MACROD2: variants seen among roughly 807,000 people sequenced by gnomAD.
MACROD2 encodes ADP-ribose glycohydrolase MACROD2.
In MACROD2, 36 loss-of-function variants were observed where a neutral mutation model predicts 70.4. That is an observed-to-expected ratio of 0.51 (90% confidence interval 0.39 to 0.68). MACROD2 has a LOEUF of 0.68. Ranked by LOEUF, MACROD2 falls within the 30% of genes least tolerant of loss-of-function variation. The pLI is 0.00. For synonymous variants in MACROD2, 172 were observed against 178.8 expected, an observed-to-expected ratio of 0.96 and a Z score of 0.30; for missense variants, 496 against 538.4, an observed-to-expected ratio of 0.92 and a Z score of 0.78.
intron 5 of MACROD2, among the ~76,000 whole-genome samples, chr20:15,162,070 C>G (rs1273634565): frequency 6.6e-6 from 1 of 152,020 alleles, no homozygotes; most frequent in Non-Finnish European, 1.5e-5. Flanking sequence ...GATTACTATT[C>G]TAACAGTAGA....
intron 15 of MACROD2, among the ~76,000 whole-genome samples, chr20:16,030,990 T>G (rs982042427): frequency 6.6e-6 from 1 of 152,178 alleles, no homozygotes; most frequent in Non-Finnish European, 1.5e-5. Flanking sequence ...TTTATGGTTA[T>G]ACTGGCACAT....
intron 5 of MACROD2, among the ~76,000 whole-genome samples, chr20:14,924,057 T>C (rs2074198129): frequency 6.6e-6 from 1 of 152,202 alleles, no homozygotes; most frequent in Non-Finnish European, 1.5e-5. Context: ...AAAAGTGTTT[T>C]AAATTAGACC....
intron 15 of MACROD2, among the ~76,000 whole-genome samples, chr20:16,009,758 A>C (rs996660771): frequency 4.8e-5 from 7 of 146,774 alleles, no homozygotes; most frequent in African/African-American, 1.8e-4. Flanking sequence ...ACTCTGTCTC[A>C]AAAAAAAAAA....
chr20:15,739,475 A>G (rs1303213282), intron 8 of MACROD2, among the ~76,000 whole-genome samples: 7 of 152,172 alleles, frequency 4.6e-5, no homozygotes, highest in Admixed American at 2.6e-4. Flanking sequence ...ATGAAGATGC[A>G]AAAAATGAGC....
At chr20:14,690,022 A>G (rs1383636843) in intron 5 of MACROD2, among the ~76,000 whole-genome samples, 3 of 152,110 alleles carry the variant, frequency 2.0e-5, no homozygotes, top group Non-Finnish European at 4.4e-5. Context: ...TTTAACATAT[A>G]TATACTACAA....
chr20:14,259,488 A>C (rs2122305347), intron 3 of MACROD2, among the ~76,000 whole-genome samples: 1 of 152,288 alleles, frequency 6.6e-6, no homozygotes, highest in East Asian at 1.9e-4. Flanking sequence ...ATTCTGTGAA[A>C]GTATGCTATT....
At chr20:14,619,869 G>A (rs1207151210) in intron 4 of MACROD2, among the ~76,000 whole-genome samples, 1 of 152,132 alleles carries the variant, frequency 6.6e-6, no homozygotes, top group African/African-American at 2.4e-5. Context: ...TGGGAGCTCT[G>A]TGCTGCTTCA....
At chr20:15,635,295 AG>A in intron 8 of MACROD2, among the ~76,000 whole-genome samples, 1 of 152,234 alleles carries the variant, frequency 6.6e-6, no homozygotes, top group East Asian at 1.9e-4. Flanking sequence ...AACTTGTACA[AG>A]TTCATAAAGC....
chr20:15,328,493 A>G (rs754045933), intron 6 of MACROD2, among the ~76,000 whole-genome samples: 4 of 152,156 alleles, frequency 2.6e-5, no homozygotes, highest in Non-Finnish European at 5.9e-5. Context: ...TTTTGACATC[A>G]TTGCTACTTG....
intron 5 of MACROD2, among the ~76,000 whole-genome samples, chr20:14,696,945 A>G (rs2071133047): frequency 6.6e-6 from 1 of 152,196 alleles, no homozygotes; most frequent in Admixed American, 6.5e-5. Context: ...TTAAATACAT[A>G]TACATGTCAT....
intron 5 of MACROD2, among the ~76,000 whole-genome samples, chr20:14,910,245 A>C (rs578241071): frequency 4.6e-5 from 7 of 152,322 alleles, no homozygotes; most frequent in Middle Eastern, 3.4e-3. Flanking sequence ...AATGTTGGCT[A>C]TGCACTTCGC....
At chr20:14,453,591 G>GA (rs1239763920) in intron 3 of MACROD2, among the ~76,000 whole-genome samples, 1 of 152,016 alleles carries the variant, frequency 6.6e-6, no homozygotes, top group Non-Finnish European at 1.5e-5. Flanking sequence ...TTGATGTGTC[G>GA]AATGTTGGAC....
At chr20:15,564,516 T>A (rs1209259377) in intron 8 of MACROD2, among the ~76,000 whole-genome samples, 1 of 152,192 alleles carries the variant, frequency 6.6e-6, no homozygotes. Flanking sequence ...TATAGCACAT[T>A]TCGCAGCTGG....
At chr20:14,814,208 GTCTC>G (rs1052963487) in intron 5 of MACROD2, among the ~76,000 whole-genome samples, 1 of 151,998 alleles carries the variant, frequency 6.6e-6, no homozygotes, top group African/African-American at 2.4e-5. Context: ...GCTGTTTCGT[GTCTC>G]TCTTTTTCAC....
intron 5 of MACROD2, among the ~76,000 whole-genome samples, chr20:15,205,662 G>T (rs767697389): frequency 2.0e-5 from 3 of 152,130 alleles, no homozygotes; most frequent in Non-Finnish European, 4.4e-5. Context: ...TTACTTCAAA[G>T]AAAGAAGAGA....
intron 12 of MACROD2, among the ~76,000 whole-genome samples, chr20:15,945,382 T>C (rs2065807847): frequency 6.6e-6 from 1 of 152,196 alleles, no homozygotes; most frequent in African/African-American, 2.4e-5. Context: ...TGATAATCCA[T>C]AGTTTGGCTG....
chr20:15,135,259 C>CA (rs1245077343), intron 5 of MACROD2, among the ~76,000 whole-genome samples: 2 of 150,178 alleles, frequency 1.3e-5, no homozygotes, highest in Non-Finnish European at 1.5e-5. Context: ...GAGACACAAC[C>CA]AAAAAAGAGA....
At chr20:14,533,037 T>A (rs1402396404) in intron 4 of MACROD2, among the ~76,000 whole-genome samples, 1 of 152,178 alleles carries the variant, frequency 6.6e-6, no homozygotes, top group Non-Finnish European at 1.5e-5. Flanking sequence ...GAGTCACTCT[T>A]GCTGGGTGCC....
chr20:15,111,254 A>C (rs413218), intron 5 of MACROD2, among the ~76,000 whole-genome samples: 149,741 of 151,054 alleles, frequency 0.99, 74,232 homozygotes, highest in East Asian at 1. Context: ...CTCACTGCAA[A>C]CTCTGCCACC....
Sources: allele counts gnomAD v4.1 joint callset (sites outside exome capture counted in the v4.1 genomes callset), GRCh38; gene constraint gnomAD v4.1.1; transcripts MANE v1.5; gene names NCBI Gene and HGNC (gene_info 2026-07-23, HGNC 2026-07-21).